Variants in PGM1 observed in about 807,000 individuals in gnomAD.
PGM1 encodes phosphoglucomutase 1.
A neutral mutation model predicts 55.6 loss-of-function variants in PGM1; 52 were observed. The ratio of observed to expected loss-of-function variants is 0.94; its 90% CI spans 0.75 to 1.18. The LOEUF (loss-of-function observed/expected upper bound fraction) is 1.18, where lower values mean the gene tolerates loss of function less well. PGM1 is among the 50% of genes most tolerant of loss of function. PGM1 has a pLI of 0.00. For synonymous variants in PGM1, 287 were observed against 271.7 expected (o/e 1.06, Z -0.55); for missense variants, 724 against 729.3 (o/e 0.99, Z 0.08).
chr1:63,610,350 A>G (rs1344001381), intron 1 of PGM1, among the ~76,000 whole-genome samples: 1 of 152,218 alleles, frequency 6.6e-6, no homozygotes, highest in Non-Finnish European at 1.5e-5. Context: ...CTCAAAGTCC[A>G]AAATTCAGAT....
chr1:63,627,571 T>G (rs1649066321), intron 1 of PGM1, among the ~76,000 whole-genome samples: 1 of 152,128 alleles, frequency 6.6e-6, no homozygotes, highest in South Asian at 2.1e-4. Context: ...CTTCTTGGGC[T>G]CAAGAGAGAA....
chr1:63,610,787 C>A (rs1301480258), intron 1 of PGM1, among the ~76,000 whole-genome samples: 3 of 152,138 alleles, frequency 2.0e-5, no homozygotes, highest in Admixed American at 6.5e-5. Flanking sequence ...GGAGGGAGAA[C>A]TGTTCTGTAT....
chr1:63,594,313 G>A (rs1266432127), intron 1 of PGM1, among the ~76,000 whole-genome samples: 1 of 152,030 alleles, frequency 6.6e-6, no homozygotes, highest in East Asian at 1.9e-4. Flanking sequence ...TCAGCAGGCG[G>A]GTGCCAATCT....
At chr1:63,620,390 G>C (rs555717810) in intron 1 of PGM1, among the ~76,000 whole-genome samples, 111 of 152,292 alleles carry the variant, frequency 7.3e-4, no homozygotes, top group African/African-American at 2.4e-3. Flanking sequence ...TGGAGTGTCT[G>C]ATTAACCCTG....
chr1:63,651,583 A>G, intron 8 of PGM1, 86 bp from the exon 9 acceptor site: 2 of 1,330,440 alleles, frequency 1.5e-6, no homozygotes, highest in Non-Finnish European at 2.1e-6. Context: ...GGGAGGGCCA[A>G]ACAAATGATG....
chr1:63,639,903 TG>T (rs1649469823), intron 7 of PGM1, among the ~76,000 whole-genome samples: 1 of 152,214 alleles, frequency 6.6e-6, no homozygotes, highest in Non-Finnish European at 1.5e-5. Context: ...TAATATTCCT[TG>T]GCAATGAACT....
chr1:63,648,178 G>T (rs1156521388), intron 7 of PGM1, among the ~76,000 whole-genome samples: 2 of 152,170 alleles, frequency 1.3e-5, no homozygotes, highest in African/African-American at 2.4e-5. Context: ...TCACAGTTCT[G>T]CAGGCTGTAC....
At chr1:63,634,670 C>A (rs1031881262) in intron 4 of PGM1, among the ~76,000 whole-genome samples, 159 bp from the exon 5 acceptor site, 2 of 152,150 alleles carry the variant, frequency 1.3e-5, no homozygotes, top group Non-Finnish European at 2.9e-5. Flanking sequence ...TCCAGTCAGG[C>A]GTATCTCTCC....
At chr1:63,627,066 C>CCA (rs1491161657) in intron 1 of PGM1, among the ~76,000 whole-genome samples, 3 of 75,760 alleles carry the variant, frequency 4.0e-5, no homozygotes, top group African/African-American at 1.0e-4. Context: ...CCCCCCCCCC[C>CCA]ACACACACAC....
In PGM1 at chr1:63,631,917, G is replaced by C. The variant is rs544678196; in HGVS notation, c.682+135G>C. ...TTTAAATAGAGTTATTTTGCAACCA[G>C]AGCAATATTCACACAGATAAAAATC... On this transcript the variant is annotated intron_variant, in intron 4 of 10. Transcript: ENST00000371084. The C allele has an allele frequency of 2.5e-4, 218 of 861,784 alleles. 3 individuals are homozygous for C. The South Asian group carries it at 3.0e-3, about 12-fold the overall frequency. The allele number at this position is 861,784 out of a possible 1,614,324, so 53.4% of individuals were successfully genotyped here.
intron 1 of PGM1, among the ~76,000 whole-genome samples, chr1:63,622,376 C>T (rs1034709349): frequency 6.6e-6 from 1 of 152,090 alleles, no homozygotes; most frequent in Non-Finnish European, 1.5e-5. Flanking sequence ...TCTCAGGGAT[C>T]AAATGGAATT....
chr1:63,628,451 T>A (rs1355850418), intron 1 of PGM1, among the ~76,000 whole-genome samples: 6 of 152,126 alleles, frequency 3.9e-5, no homozygotes, highest in African/African-American at 1.4e-4. Context: ...CCAGAGAAAC[T>A]CTCCCCAGGG....
Position 63,634,959 on chromosome 1 carries a change from C to G in PGM1, c.813C>G (p.Asp271Glu). 1 of 1,614,008 alleles carries G rather than the reference C, an allele frequency of 6.2e-7. No individual in the cohort carries two copies. The highest frequency in any genetic ancestry group is 8.5e-7 in the Non-Finnish European group (1 of 1,179,978). Residue 271 changes from aspartate to glutamate, a missense_variant, in exon 5 of 11, where the codon GAC (aspartate) becomes GAG (glutamate). Asp to Glu is a conservative substitution (Grantham distance 45). Transcript: ENST00000371084. ...HPDPNLTYAA[D>E]LVETMKSGEH... Reference sequence around the variant, plus strand: ...ACCCCAACCTCACCTATGCAGCTGACCTGGTGGAGACCATGAAGTCAGGAG... The same window carrying G: ...ACCCCAACCTCACCTATGCAGCTGAGCTGGTGGAGACCATGAAGTCAGGAG...
At chr1:63,593,768 C>T (rs988462564) in intron 1 of PGM1, 34 bp downstream of exon 1, 1 of 1,557,754 alleles carries the variant, frequency 6.4e-7, no homozygotes. Context: ...CGCTGTGCAC[C>T]CTGGCGCGTG....
At chr1:63,594,450 G>C (rs1039989331) in intron 1 of PGM1, among the ~76,000 whole-genome samples, 1 of 152,038 alleles carries the variant, frequency 6.6e-6, no homozygotes, top group Non-Finnish European at 1.5e-5. Flanking sequence ...TTCCACCGAC[G>C]GGGCTGGAGC....
intron 7 of PGM1, among the ~76,000 whole-genome samples, chr1:63,645,160 T>C (rs1649617336): frequency 6.6e-6 from 1 of 152,242 alleles, no homozygotes; most frequent in African/African-American, 2.4e-5. Context: ...ATTATGCAAT[T>C]GGAATTGGAT....
intron 7 of PGM1, among the ~76,000 whole-genome samples, chr1:63,640,803 C>T (rs537820684): frequency 6.6e-6 from 1 of 152,262 alleles, no homozygotes; most frequent in East Asian, 1.9e-4. Context: ...CCTCATTTCA[C>T]ATTGTTTATA....
At chr1:63,656,606 GTA>G (rs1367987673) in intron 10 of PGM1, among the ~76,000 whole-genome samples, 2 of 118,858 alleles carry the variant, frequency 1.7e-5, no homozygotes, top group African/African-American at 5.1e-5. Context: ...GTGTGTGTGT[GTA>G]TACCACAATG....
In PGM1 at chr1:63,659,925, G is replaced by T; in HGVS notation, c.*250G>T. On this transcript the variant is annotated 3_prime_UTR_variant, in exon 11 of 11. Coordinates refer to ENST00000371084, the MANE Select transcript of PGM1 (RefSeq NM_002633.3). ...TCATGCCCTCCTGCATTGCTGCTGCGTGGGTATTTGTCTCCTTAGCCATCA... is the reference window on the plus strand; with the variant it reads ...TCATGCCCTCCTGCATTGCTGCTGCTTGGGTATTTGTCTCCTTAGCCATCA... 1 of 587,926 alleles carries T rather than the reference G, an allele frequency of 1.7e-6. No individual in the cohort carries two copies. The highest frequency in any genetic ancestry group is 3.1e-6 in the Non-Finnish European group (1 of 325,114). 36.4% of individuals were successfully genotyped at this position (587,926 alleles called of 1,614,324 possible).
Sources: allele counts gnomAD v4.1 joint callset (sites outside exome capture counted in the v4.1 genomes callset), GRCh38; gene constraint gnomAD v4.1.1; transcripts MANE v1.5; gene names NCBI Gene and HGNC (gene_info 2026-07-23, HGNC 2026-07-21).